The following PDPR variants were observed in gnomAD, a reference collection of about 807,000 sequenced individuals.
The protein encoded by PDPR is pyruvate dehydrogenase phosphatase regulatory subunit, mitochondrial.
A neutral mutation model predicts 102.2 loss-of-function variants in PDPR; 50 were observed. The observed-to-expected ratio is 0.49, with a 90% CI of 0.39 to 0.62. PDPR has a LOEUF of 0.62. Ranked by LOEUF, PDPR falls within the 20% of genes least tolerant of loss-of-function variation. The probability of loss-of-function intolerance (pLI) is 0.00; values close to 1 mark genes in which losing one functional copy is unlikely to be tolerated. For synonymous variants in PDPR, 259 were observed against 406.0 expected, an observed-to-expected ratio of 0.64 and a Z score of 4.35; for missense variants, 625 against 1,098.2, an observed-to-expected ratio of 0.57 and a Z score of 6.09.
intron 17 of PDPR, among the ~76,000 whole-genome samples, 170 bp from the exon 18 acceptor site, chr16:70,153,221 T>C (rs1966842862): frequency 6.6e-6 from 1 of 152,274 alleles, no homozygotes; most frequent in South Asian, 2.1e-4. Context: ...TGACCCCAGC[T>C]CATCACTCCT....
intron 13 of PDPR, among the ~76,000 whole-genome samples, 155 bp from the exon 14 acceptor site, chr16:70,143,355 C>T (rs1431184987): frequency 6.6e-6 from 1 of 152,266 alleles, no homozygotes; most frequent in African/African-American, 2.4e-5. Flanking sequence ...GCTAGCGTTC[C>T]CTGGAGCTTC....
Position 70,159,795 on chromosome 16 carries a change from C to G in PDPR, c.*2916C>G, listed in dbSNP as rs1371820062. 1 of 152,920 alleles carries G rather than the reference C, an allele frequency of 6.5e-6. No individual in the cohort carries two copies. Among genetic ancestry groups the G allele is most frequent in the Non-Finnish European group, 1.5e-5 (1 of 68,552 alleles). The allele number at this position is 152,920 out of a possible 1,614,324, so 9.5% of individuals were successfully genotyped here. On this transcript the variant is annotated 3_prime_UTR_variant, in exon 19 of 19. Coordinates refer to ENST00000288050, the MANE Select transcript of PDPR (RefSeq NM_017990.5). ...GGGGAGGCCAGTAGATGCCCCAGAT[C>G]CAGAGCCGTGGCTGCAAATCCAGCA...
rs1381171936 is a variant in PDPR at position 70,159,548 on chromosome 16, G to A, written c.*2669G>A. The A allele has an allele frequency of 6.5e-6, 1 of 152,704 alleles. No individual in the cohort carries two copies. The highest frequency in any genetic ancestry group is 2.4e-5 in the African/African-American group (1 of 41,492). 9.5% of individuals were successfully genotyped at this position (152,704 alleles called of 1,614,324 possible). A position where few individuals can be genotyped will look rare whatever the true frequency, so the allele number is the denominator to read the frequency against. On this transcript the variant is annotated 3_prime_UTR_variant, in exon 19 of 19. Coordinates refer to ENST00000288050, the MANE Select transcript of PDPR (RefSeq NM_017990.5). The stretch of plus-strand genomic sequence containing the variant: ...TGGTTCATTCAAATACAAGCTGTGT[G>A]AGTCTGGTGGTTTTCTGTGATTGGT...
chr16:70,120,751 G>A, intron 3 of PDPR, 32 bp downstream of exon 3: 4 of 1,363,174 alleles, frequency 2.9e-6, no homozygotes, highest in East Asian at 2.3e-5. Context: ...GCTCATGGCT[G>A]TGCTGCACTA....
chr16:70,154,578 C>T (rs1209032542), intron 18 of PDPR, among the ~76,000 whole-genome samples: 2 of 152,394 alleles, frequency 1.3e-5, no homozygotes, highest in African/African-American at 4.8e-5. Context: ...GATGCATTAA[C>T]ATGCCACGAA....
Position 70,148,511 on chromosome 16 carries a change from G to C in PDPR, c.2010G>C (p.Thr670=). 1 of 1,613,406 alleles carries C rather than the reference G, an allele frequency of 6.2e-7. No homozygotes were observed. The highest frequency in any genetic ancestry group is 8.5e-7 in the Non-Finnish European group (1 of 1,179,532). The change falls in exon 17 of 19, where the codon ACG becomes ACC. Residue 670 remains threonine, a synonymous_variant. Transcript: ENST00000288050. ...YANGIRVMSM[T]HTGEPGFMLY... ...ATGGGATCCGGGTGATGAGCATGAC[G>C]CACACAGGAGAGCCAGGATTCATGC...
chr16:70,153,629 A>G (rs1022740595), intron 18 of PDPR, 56 bp downstream of exon 18: 49 of 1,495,848 alleles, frequency 3.3e-5, no homozygotes, highest in Non-Finnish European at 4.1e-5. Flanking sequence ...GTGAATCTGC[A>G]CTAGACTAGG....
At chr16:70,127,035 A>T (rs1448274235) in intron 3 of PDPR, among the ~76,000 whole-genome samples, 2 of 152,224 alleles carry the variant, frequency 1.3e-5, no homozygotes, top group Admixed American at 6.5e-5. Flanking sequence ...GTTGGTAGAG[A>T]TGGGTTCTCC....
At chr16:70,150,098 T>TA (rs1966597873) in intron 17 of PDPR, among the ~76,000 whole-genome samples, 1 of 147,760 alleles carries the variant, frequency 6.8e-6, no homozygotes, top group Admixed American at 6.9e-5. Context: ...CGGCTTTTTT[T>TA]TTTTTTTTTC....
rs1332682404 is a variant in PDPR at position 70,118,144 on chromosome 16, T to C, written c.-32-2317T>C. Among the ~76,000 whole-genome samples, 19 of 150,554 alleles carry C rather than the reference T, an allele frequency of 1.3e-4. 1 individual carries two copies. The highest frequency in any genetic ancestry group is 3.0e-5 in the Non-Finnish European group (2 of 67,794). On this transcript the variant is annotated intron_variant, in intron 2 of 18. Coordinates refer to ENST00000288050, the MANE Select transcript of PDPR (RefSeq NM_017990.5). ...AAAGCAGCAAAAAGGGAGGGAAACG[T>C]TGCAGGTACATGAAAGAGAGATAGC...
intron 14 of PDPR, among the ~76,000 whole-genome samples, 166 bp downstream of exon 14, chr16:70,143,824 C>T (rs948588519): frequency 1.3e-5 from 2 of 152,140 alleles, no homozygotes; most frequent in Non-Finnish European, 2.9e-5. Context: ...CAAAAGAAAT[C>T]ACCAGGAGGA....
intron 3 of PDPR, among the ~76,000 whole-genome samples, chr16:70,126,172 T>C (rs1326050218): frequency 6.6e-6 from 1 of 152,264 alleles, no homozygotes; most frequent in Non-Finnish European, 1.5e-5. Flanking sequence ...TTCATTCTTT[T>C]TTATAGCTGC....
At chr16:70,119,442 AT>A (rs1337444584) in intron 2 of PDPR, among the ~76,000 whole-genome samples, 1 of 150,540 alleles carries the variant, frequency 6.6e-6, no homozygotes, top group Admixed American at 6.6e-5. Flanking sequence ...TTTGAATAAA[AT>A]TCCAACTCCT....
chr16:70,139,994 T>C (rs1305480037), intron 11 of PDPR, among the ~76,000 whole-genome samples: 4 of 152,226 alleles, frequency 2.6e-5, no homozygotes, highest in Non-Finnish European at 5.9e-5. Context: ...CTAACAGCAA[T>C]ATGTTTAACT....
downstream of PDPR, chr16:70,162,646 T>C (rs1054509371): frequency 3.3e-5 from 5 of 152,868 alleles, no homozygotes; most frequent in Admixed American, 6.5e-5. Flanking sequence ...TGTACCAGTG[T>C]GAGGGAGGAT....
At chr16:70,127,026 T>TTGG (rs1964046196) in intron 3 of PDPR, among the ~76,000 whole-genome samples, 1 of 152,264 alleles carries the variant, frequency 6.6e-6, no homozygotes, top group African/African-American at 2.4e-5. Flanking sequence ...GTTGTTGTTG[T>TTGG]TGGTAGAGAT....
Position 70,158,344 on chromosome 16 carries a change from G to T in PDPR, c.*1465G>T, listed in dbSNP as rs1366127473. 1 of 152,484 alleles carries T rather than the reference G, an allele frequency of 6.6e-6. No homozygotes were observed. Among genetic ancestry groups the T allele is most frequent in the African/African-American group, 2.4e-5 (1 of 41,480 alleles). 9.4% of individuals were successfully genotyped at this position (152,484 alleles called of 1,614,324 possible). A position where few individuals can be genotyped will look rare whatever the true frequency, so the allele number is the denominator to read the frequency against. On this transcript the variant is annotated 3_prime_UTR_variant, in exon 19 of 19. Transcript: ENST00000288050. ...TTGGTTAGTAAAACTCTAGCCTTTG[G>T]CGTGTTGGTATCTTGGAAGCATTAG...
intron 3 of PDPR, among the ~76,000 whole-genome samples, chr16:70,121,288 A>G (rs376454362): frequency 1.3e-5 from 2 of 151,828 alleles, no homozygotes; most frequent in African/African-American, 4.8e-5. Flanking sequence ...ATTGGCTTGT[A>G]AGCTAAGTCC....
chr16:70,138,421 T>G lies in PDPR; in HGVS notation c.1191-478T>G, dbSNP rs1216405646. Among the ~76,000 whole-genome samples the G allele has an allele frequency of 1.4e-4, 22 of 152,342 alleles. No individual in the cohort carries two copies. The East Asian group carries it at 4.1e-3, about 28-fold the overall frequency. On this transcript the variant is annotated intron_variant, in intron 10 of 18. Coordinates refer to ENST00000288050, the MANE Select transcript of PDPR (RefSeq NM_017990.5). Reference sequence around the variant, plus strand: ...TAATAGAGACAGGGTTTCTCCACATTGGTCAGGCTTGTTTCGAACTCCTGA... The same window carrying G: ...TAATAGAGACAGGGTTTCTCCACATGGGTCAGGCTTGTTTCGAACTCCTGA...
Sources: gnomAD v4.1 joint callset for allele counts (sites outside exome capture counted in the v4.1 genomes callset) on GRCh38, gnomAD v4.1.1 for gene constraint, MANE v1.5 for transcripts, NCBI Gene and HGNC (gene_info 2026-07-23, HGNC 2026-07-21) for gene names.